CDH9: variants seen among roughly 807,000 people sequenced by gnomAD.
CDH9 encodes the protein cadherin-9.
Under a neutral mutation model 70.9 loss-of-function variants are expected in CDH9, and 28 were observed. The ratio of observed to expected loss-of-function variants is 0.40; its 90% confidence interval spans 0.29 to 0.54. The LOEUF (loss-of-function observed/expected upper bound fraction) is 0.54. Among genes scored for constraint, CDH9 ranks in the 20% least tolerant of loss-of-function variants. The pLI is 0.59. For missense variants in CDH9, 874 were observed against 984.4 expected, an observed-to-expected ratio of 0.89 and a Z score of 1.50; for synonymous variants, 409 against 343.1, an observed-to-expected ratio of 1.19 and a Z score of -2.12.
At position 26,945,826 on chromosome 5, in the gene CDH9, G is replaced by A. The variant is rs558895609; in HGVS notation, c.229-29902C>T. Among the ~76,000 whole-genome samples, 179 of 152,280 alleles carry A rather than the reference G, an allele frequency of 1.2e-3. 1 individual carries two copies. Among genetic ancestry groups the A allele is most frequent in the Non-Finnish European group, 1.7e-3 (113 of 67,998 alleles). On this transcript the variant is annotated intron_variant, in intron 2 of 11. Coordinates refer to ENST00000231021, the MANE Select transcript of CDH9 (RefSeq NM_016279.4). ...CAAATAAAGAATATGAAAGATTTATGCCTTATGGTAATGAGAAAGCAGATA... is the reference window on the plus strand; with the variant it reads ...CAAATAAAGAATATGAAAGATTTATACCTTATGGTAATGAGAAAGCAGATA...
chr5:26,994,021 C>T (rs767373764), intron 1 of CDH9, among the ~76,000 whole-genome samples: 2 of 152,146 alleles, frequency 1.3e-5, no homozygotes, highest in Admixed American at 1.3e-4. Flanking sequence ...TGCTTTGGAC[C>T]TGTCATCCTT....
chr5:27,035,069 T>G (rs886707433), intron 1 of CDH9, among the ~76,000 whole-genome samples: 3 of 151,118 alleles, frequency 2.0e-5, no homozygotes, highest in African/African-American at 7.3e-5. Context: ...TTTATCTATC[T>G]ATCCTCTATG....
chr5:27,000,667 T>C (rs1312830202), intron 1 of CDH9, among the ~76,000 whole-genome samples: 1 of 152,154 alleles, frequency 6.6e-6, no homozygotes, highest in African/African-American at 2.4e-5. Flanking sequence ...TATTAATGTT[T>C]ATAGAATCTT....
chr5:26,944,625 C>T (rs1405481198), intron 2 of CDH9, among the ~76,000 whole-genome samples: 1 of 152,014 alleles, frequency 6.6e-6, no homozygotes, highest in East Asian at 1.9e-4. Context: ...TGCACTCCAG[C>T]CTGACAGAGT....
At chr5:26,916,617 C>A (rs1424999292) in intron 2 of CDH9, among the ~76,000 whole-genome samples, 1 of 151,928 alleles carries the variant, frequency 6.6e-6, no homozygotes, top group Admixed American at 6.6e-5. Flanking sequence ...TGAATGGTCT[C>A]TCTTTCTCTC....
chr5:26,982,920 C>T (rs1561028324), intron 2 of CDH9, among the ~76,000 whole-genome samples: 2 of 151,846 alleles, frequency 1.3e-5, no homozygotes, highest in Admixed American at 6.6e-5. Context: ...CTCCTGACCT[C>T]GTGATTTACC....
chr5:26,968,626 T>C (rs1003156950), intron 2 of CDH9, among the ~76,000 whole-genome samples: 2 of 152,002 alleles, frequency 1.3e-5, no homozygotes, highest in South Asian at 2.1e-4. Flanking sequence ...AGACTGTCCA[T>C]GGCATTTAAA....
intron 2 of CDH9, among the ~76,000 whole-genome samples, chr5:26,976,715 T>G (rs1742308152): frequency 6.6e-6 from 1 of 152,166 alleles, no homozygotes; most frequent in South Asian, 2.1e-4. Flanking sequence ...TTTCTCCATA[T>G]ATTGCTTCCT....
intron 1 of CDH9, among the ~76,000 whole-genome samples, chr5:27,023,839 G>A (rs902973158): frequency 6.6e-6 from 1 of 151,876 alleles, no homozygotes; most frequent in Non-Finnish European, 1.5e-5. Context: ...ATCACCTGAG[G>A]TCAGGAGTTC....
At position 27,007,857 on chromosome 5, in the gene CDH9, T is replaced by C. The variant is rs111564067; in HGVS notation, c.-49-19475A>G. On this transcript the variant is annotated intron_variant, in intron 1 of 11. Transcript: ENST00000231021. ...TCATACTGCTGTGAATTGATACCCA[T>C]AGTCATAATTGAGGAGGACACTAAA... Among the ~76,000 whole-genome samples, 564 of 152,240 alleles carry C rather than the reference T, an allele frequency of 3.7e-3. 2 individuals are homozygous for C. The highest frequency in any genetic ancestry group is 6.0e-3 in the Non-Finnish European group (407 of 67,996).
At position 26,974,863 on chromosome 5, in the gene CDH9, C is replaced by T. The variant is rs1052300924; in HGVS notation, c.228+13243G>A. Among the ~76,000 whole-genome samples the T allele has an allele frequency of 3.9e-5, 6 of 151,978 alleles. No individual in the cohort carries two copies. The East Asian group carries it at 1.2e-3, about 29-fold the overall frequency. ...GTGTTGAGAAAACAATATCTACTCT[C>T]TTCGCAAATTTCAAGTATACAACAG... is the stretch of plus-strand genomic sequence containing the variant. On this transcript the variant is annotated intron_variant, in intron 2 of 11. Coordinates refer to ENST00000231021, the MANE Select transcript of CDH9 (RefSeq NM_016279.4).
intron 2 of CDH9, among the ~76,000 whole-genome samples, chr5:26,954,188 C>T (rs921868424): frequency 1.3e-5 from 2 of 151,914 alleles, no homozygotes; most frequent in Non-Finnish European, 2.9e-5. Context: ...ATTACCAGGT[C>T]TCTGTTGGAA....
chr5:26,955,582 C>G (rs113890599), intron 2 of CDH9, among the ~76,000 whole-genome samples: 4,674 of 151,598 alleles, frequency 0.031, 254 homozygotes, highest in African/African-American at 0.11. Context: ...ATCTCTCTCT[C>G]TCTCTCTCTC....
At chr5:26,939,948 G>A (rs1741631324) in intron 2 of CDH9, among the ~76,000 whole-genome samples, 1 of 152,094 alleles carries the variant, frequency 6.6e-6, no homozygotes, top group Non-Finnish European at 1.5e-5. Context: ...CCAGGAGTTT[G>A]AGACCAGCCT....
intron 1 of CDH9, among the ~76,000 whole-genome samples, chr5:27,027,285 T>C (rs760404862): frequency 6.6e-6 from 1 of 152,002 alleles, no homozygotes; most frequent in Non-Finnish European, 1.5e-5. Flanking sequence ...TATGTCAACT[T>C]AAGGAACCTT....
At chr5:26,955,365 G>T (rs1741928446) in intron 2 of CDH9, among the ~76,000 whole-genome samples, 1 of 152,110 alleles carries the variant, frequency 6.6e-6, no homozygotes, top group South Asian at 2.1e-4. Context: ...AATCCTCCTG[G>T]TCTGACAAGT....
intron 2 of CDH9, 80 bp from the exon 3 acceptor site, chr5:26,916,004 C>T (rs1242210111): frequency 1.5e-5 from 13 of 894,462 alleles, no homozygotes; most frequent in African/African-American, 8.4e-5. Context: ...GCTATCAATT[C>T]GTCTCCATAT....
chr5:26,889,584 C>T (rs1740620150), intron 9 of CDH9, among the ~76,000 whole-genome samples: 1 of 152,034 alleles, frequency 6.6e-6, no homozygotes, highest in African/African-American at 2.4e-5. Flanking sequence ...ATGTGATATT[C>T]ACTATAAACC....
chr5:26,951,675 A>T (rs1052007428), intron 2 of CDH9, among the ~76,000 whole-genome samples: 24 of 152,084 alleles, frequency 1.6e-4, no homozygotes, highest in Admixed American at 2.6e-4. Flanking sequence ...TTTTTCCTAT[A>T]TATTTTTCTC....
Sources: allele counts gnomAD v4.1 joint callset (sites outside exome capture counted in the v4.1 genomes callset), GRCh38; gene constraint gnomAD v4.1.1; transcripts MANE v1.5; gene names NCBI Gene and HGNC (gene_info 2026-07-23, HGNC 2026-07-21).